Variants in MALRD1 observed in about 807,000 individuals in gnomAD.
MALRD1 encodes MAM and LDL-receptor class A domain-containing protein 1.
MALRD1 carries 247 observed loss-of-function variants against 242.1 expected under a neutral mutation model. That is an observed-to-expected ratio of 1.02 (90% CI 0.92 to 1.13). The LOEUF (loss-of-function observed/expected upper bound fraction) is 1.13, where lower values mean the gene tolerates loss of function less well. Among genes scored for constraint, MALRD1 ranks in the 50% most tolerant of loss-of-function variants. MALRD1 has a pLI of 0.00. For missense variants in MALRD1, 2,989 were observed against 2,533.1 expected (o/e 1.18, Z -3.86); for synonymous variants, 995 against 866.6 (o/e 1.15, Z -2.60).
chr10:19,526,817 A>G (rs1441483321), intron 31 of MALRD1, among the ~76,000 whole-genome samples: 1 of 152,180 alleles, frequency 6.6e-6, no homozygotes, highest in Non-Finnish European at 1.5e-5. Flanking sequence ...TTCATGACAT[A>G]GCCCTAAAAT....
chr10:19,379,938 T>C lies in MALRD1; in HGVS notation c.4442-7590T>C, dbSNP rs11009665. Among the ~76,000 whole-genome samples, 5 of 152,094 alleles carry C rather than the reference T, an allele frequency of 3.3e-5. No individual in the cohort carries two copies. In the East Asian group the frequency reaches 7.7e-4, roughly 23 times the overall value. ...TCTGTCAGTGTGTGTTTGTTGTAAT[T>C]ACATGGATAAACACTGAAGTTTTAT... On this transcript the variant is annotated intron_variant, in intron 26 of 39. Coordinates refer to ENST00000454679, the MANE Select transcript of MALRD1 (RefSeq NM_001142308.3).
intron 18 of MALRD1, among the ~76,000 whole-genome samples, chr10:19,243,293 A>G (rs1023349910): frequency 6.6e-6 from 1 of 152,062 alleles, no homozygotes; most frequent in Non-Finnish European, 1.5e-5. Flanking sequence ...GTTCTATGTC[A>G]CAACTAAATC....
chr10:19,162,194 G>A (rs1461108704), intron 12 of MALRD1, among the ~76,000 whole-genome samples: 3 of 151,682 alleles, frequency 2.0e-5, no homozygotes, highest in African/African-American at 7.3e-5. Flanking sequence ...ATTTTCTTTT[G>A]CCACTCTTCC....
chr10:19,428,381 T>G (rs1196331645), intron 28 of MALRD1, among the ~76,000 whole-genome samples: 1 of 152,172 alleles, frequency 6.6e-6, no homozygotes, highest in East Asian at 1.9e-4. Flanking sequence ...GATCTGATTC[T>G]GAAATCTTTA....
At chr10:19,203,902 T>C in intron 15 of MALRD1, 22 bp downstream of exon 15, 2 of 1,550,240 alleles carry the variant, frequency 1.3e-6, no homozygotes, top group Non-Finnish European at 1.7e-6. Context: ...ACAGGGACTC[T>C]ACAACCACTG....
chr10:19,389,297 C>T (rs753651213), intron 27 of MALRD1, 155 bp from the exon 28 acceptor site: 56 of 828,944 alleles, frequency 6.8e-5, no homozygotes, highest in South Asian at 3.3e-4. Flanking sequence ...AAGCTAGAGG[C>T]GAGGCTATTA....
chr10:19,315,803 T>G (rs1046141285), intron 21 of MALRD1, among the ~76,000 whole-genome samples: 21 of 144,174 alleles, frequency 1.5e-4, no homozygotes, highest in Non-Finnish European at 3.2e-4. Flanking sequence ...TTATATAATT[T>G]ACTAGGCACA....
Position 19,327,779 on chromosome 10 carries a change from A to G in MALRD1, c.3687+106A>G, listed in dbSNP as rs1588916722. 2.3e-5 allele frequency: 21 copies of G among 924,600 alleles called. No individual in the cohort carries two copies. The Admixed American group carries it at 4.2e-4, about 18-fold the overall frequency. The allele number at this position is 924,600 out of a possible 1,614,324, so 57.3% of individuals were successfully genotyped here. ...TCTTCTTGCCCCCATTCCCTTTTTG[A>G]TGTGTTCTGTGGATGCGTGGACACC... On this transcript the variant is annotated intron_variant, in intron 23 of 39. Transcript: ENST00000454679.
chr10:19,492,501 T>C (rs1231142835), intron 30 of MALRD1, among the ~76,000 whole-genome samples: 1 of 152,176 alleles, frequency 6.6e-6, no homozygotes, highest in Non-Finnish European at 1.5e-5. Context: ...CCAAGATGAC[T>C]TCTTCTCTTG....
At chr10:19,430,028 C>T (rs1054658871) in intron 28 of MALRD1, among the ~76,000 whole-genome samples, 3 of 151,736 alleles carry the variant, frequency 2.0e-5, no homozygotes, top group Admixed American at 1.3e-4. Flanking sequence ...TTCGAGATTC[C>T]CATAATATTC....
intron 21 of MALRD1, among the ~76,000 whole-genome samples, chr10:19,304,372 A>G (rs12221388): frequency 0.13 from 19,548 of 151,428 alleles, 1,301 homozygotes; most frequent in Non-Finnish European, 0.14. Flanking sequence ...TGTATCATCT[A>G]TCTATTAGTC....
intron 12 of MALRD1, among the ~76,000 whole-genome samples, chr10:19,162,179 T>C (rs954524699): frequency 2.6e-5 from 4 of 152,252 alleles, no homozygotes; most frequent in African/African-American, 7.2e-5. Context: ...TATAATTAAA[T>C]GTTCATTTTC....
At chr10:19,490,169 G>A (rs1476355260) in intron 29 of MALRD1, among the ~76,000 whole-genome samples, 1 of 152,092 alleles carries the variant, frequency 6.6e-6, no homozygotes, top group East Asian at 1.9e-4. Flanking sequence ...TGAAATGTCT[G>A]TACTGATCCT....
intron 36 of MALRD1, among the ~76,000 whole-genome samples, chr10:19,618,667 T>C (rs1053794791): frequency 6.6e-6 from 1 of 152,116 alleles, no homozygotes; most frequent in Non-Finnish European, 1.5e-5. Flanking sequence ...TTTGCTCACT[T>C]TTCAATGGGG....
chr10:19,452,376 C>A (rs1343689084), intron 29 of MALRD1, among the ~76,000 whole-genome samples: 2 of 152,152 alleles, frequency 1.3e-5, no homozygotes, highest in Non-Finnish European at 2.9e-5. Context: ...CAACACTTGG[C>A]TTACTAAGTT....
chr10:19,573,084 T>C lies in MALRD1; in HGVS notation c.5680+5381T>C, dbSNP rs80157986. ...GGTGCAGATGTTCATTACACACTGCTTCCTGATTTGCTTTCTGTCTCTCTT... is the reference window on the plus strand; with the variant it reads ...GGTGCAGATGTTCATTACACACTGCCTCCTGATTTGCTTTCTGTCTCTCTT... On this transcript the variant is annotated intron_variant, in intron 33 of 39. Transcript: ENST00000454679. Among the ~76,000 whole-genome samples the C allele has an allele frequency of 2.6e-3, 389 of 151,734 alleles. 7 individuals are homozygous for C. The East Asian group carries it at 0.042, about 17-fold the overall frequency.
chr10:19,502,381 G>T (rs1356661052), intron 31 of MALRD1, among the ~76,000 whole-genome samples: 1 of 152,118 alleles, frequency 6.6e-6, no homozygotes, highest in East Asian at 1.9e-4. Flanking sequence ...TTTTCAGAGA[G>T]AAATAGGTTT....
chr10:19,056,919 A>G (rs1834686100), intron 1 of MALRD1, among the ~76,000 whole-genome samples: 1 of 152,186 alleles, frequency 6.6e-6, no homozygotes, highest in Non-Finnish European at 1.5e-5. Flanking sequence ...CTCCGAATCT[A>G]TTGAGATGAT....
At chr10:19,689,123 G>T (rs1181212383) in intron 36 of MALRD1, among the ~76,000 whole-genome samples, 1 of 152,166 alleles carries the variant, frequency 6.6e-6, no homozygotes, top group Non-Finnish European at 1.5e-5. Flanking sequence ...ACAGACATCT[G>T]ACCTTAAGAA....
Sources: allele counts gnomAD v4.1 joint callset (sites outside exome capture counted in the v4.1 genomes callset), GRCh38; gene constraint gnomAD v4.1.1; transcripts MANE v1.5; gene names NCBI Gene and HGNC (gene_info 2026-07-23, HGNC 2026-07-21).